STK32A: variants seen among roughly 807,000 people sequenced by gnomAD.
STK32A encodes serine/threonine kinase 32A, also known as serine/threonine-protein kinase 32A.
In STK32A, 41 loss-of-function variants were observed where a neutral mutation model predicts 53.2. That is an observed-to-expected ratio of 0.77 (90% CI 0.60 to 1.00). The LOEUF (loss-of-function observed/expected upper bound fraction) is 1.00. STK32A is among the 50% of genes least tolerant of loss of function. STK32A has a pLI of 0.00. For missense variants in STK32A, 458 were observed against 485.8 expected, an observed-to-expected ratio of 0.94 and a Z score of 0.54; for synonymous variants, 166 against 162.8, an observed-to-expected ratio of 1.02 and a Z score of -0.15.
chr5:147,361,506 G>A lies in STK32A; in HGVS notation c.563-11G>A, dbSNP rs569675847. 8.3e-5 allele frequency: 132 copies of A among 1,596,922 alleles called. No individual in the cohort carries two copies. Among genetic ancestry groups the A allele is most frequent in the Non-Finnish European group, 1.0e-4 (118 of 1,167,218 alleles). Reference sequence around the variant, plus strand: ...GGGAATCAAACTGGTTTAATTTTTCGTGTTTTTCAGCACCTGAGATGTTCA... The same window carrying A: ...GGGAATCAAACTGGTTTAATTTTTCATGTTTTTCAGCACCTGAGATGTTCA... On this transcript the variant is annotated splice_polypyrimidine_tract_variant and intron_variant, in intron 7 of 12. Coordinates refer to ENST00000397936, the MANE Select transcript of STK32A (RefSeq NM_001112724.2).
downstream of STK32A, chr5:147,391,857 G>A (rs1358344124): frequency 3.3e-5 from 5 of 152,182 alleles, no homozygotes; most frequent in African/African-American, 9.7e-5. Context: ...AAAGGTTCTG[G>A]TGGAATGGTT....
intron 8 of STK32A, among the ~76,000 whole-genome samples, chr5:147,367,565 G>C (rs1356582598): frequency 6.6e-6 from 1 of 152,078 alleles, no homozygotes; most frequent in Non-Finnish European, 1.5e-5. Flanking sequence ...AAGGAAAAAG[G>C]GGGGTTGTTC....
chr5:147,273,860 C>T (rs1488711818), intron 2 of STK32A, among the ~76,000 whole-genome samples: 1 of 152,102 alleles, frequency 6.6e-6, no homozygotes, highest in African/African-American at 2.4e-5. Context: ...ATAACCATAA[C>T]AAATTATTTC....
intron 7 of STK32A, among the ~76,000 whole-genome samples, chr5:147,357,984 C>G (rs1194367217): frequency 1.3e-5 from 2 of 151,786 alleles, no homozygotes; most frequent in Non-Finnish European, 2.9e-5. Context: ...TATTCTTTTC[C>G]AAAAATATTA....
chr5:147,315,049 C>T (rs1044107373), intron 4 of STK32A, among the ~76,000 whole-genome samples: 2 of 152,040 alleles, frequency 1.3e-5, no homozygotes. Flanking sequence ...TGGGCCAGTA[C>T]TATTCTTTAA....
intron 2 of STK32A, among the ~76,000 whole-genome samples, chr5:147,273,771 A>G (rs193112878): frequency 6.6e-6 from 1 of 152,340 alleles, no homozygotes; most frequent in African/African-American, 2.4e-5. Flanking sequence ...TTTTATGTGT[A>G]GTTTTGACTA....
In STK32A at chr5:147,366,270, C is replaced by T. The variant is rs537992992; in HGVS notation, c.661-4384C>T. 2.0e-5 allele frequency among the ~76,000 whole-genome samples: 3 copies of T among 152,258 alleles called. No homozygotes were observed. The South Asian group carries it at 6.2e-4, about 32-fold the overall frequency. On this transcript the variant is annotated intron_variant, in intron 8 of 12. Transcript: ENST00000397936. ...TGGGTTTTTTAACCTCTTGTTCCTTCGCCTATAAAGAGAGTTTCCAAGGCA... is the reference window on the plus strand; with the variant it reads ...TGGGTTTTTTAACCTCTTGTTCCTTTGCCTATAAAGAGAGTTTCCAAGGCA...
At chr5:147,257,250 G>A (rs577009063) in intron 2 of STK32A, among the ~76,000 whole-genome samples, 2 of 151,748 alleles carry the variant, frequency 1.3e-5, no homozygotes, top group East Asian at 3.9e-4. Context: ...TACGTCGGGG[G>A]CGGGGCGGGG....
chr5:147,249,869 A>G (rs1400130570), intron 2 of STK32A, among the ~76,000 whole-genome samples: 4 of 132,410 alleles, frequency 3.0e-5, no homozygotes, highest in African/African-American at 1.2e-4. Context: ...GCCGAGATCT[A>G]CTGCACTCCA....
rs903274045 is a variant in STK32A, at chr5:147,384,551, G to A, written c.*568G>A. 11 of 840,008 alleles carry A rather than the reference G, an allele frequency of 1.3e-5. No homozygotes were observed. Among genetic ancestry groups the A allele is most frequent in the South Asian group, 3.6e-5 (2 of 56,198 alleles). The allele number at this position is 840,008 out of a possible 1,614,324, so 52.0% of individuals were successfully genotyped here. On this transcript the variant is annotated 3_prime_UTR_variant, in exon 13 of 13. Transcript: ENST00000397936. ...GGATGAGGGCCTTCCAGTGATATGCGTGAATCAGCATTAGATCCGCTTATC... is the reference window on the plus strand; with the variant it reads ...GGATGAGGGCCTTCCAGTGATATGCATGAATCAGCATTAGATCCGCTTATC...
Position 147,385,592 on chromosome 5 carries a change from T to C in STK32A, c.*1609T>C, listed in dbSNP as rs1251046628. 6.6e-6 allele frequency: 1 copy of C among 152,252 alleles called. No individual in the cohort carries two copies. Among genetic ancestry groups the C allele is most frequent in the African/African-American group, 2.4e-5 (1 of 41,466 alleles). The allele number at this position is 152,252 out of a possible 1,614,324, so 9.4% of individuals were successfully genotyped here. A position where few individuals can be genotyped will look rare whatever the true frequency, so the allele number is the denominator to read the frequency against. On this transcript the variant is annotated 3_prime_UTR_variant, in exon 13 of 13. Coordinates refer to ENST00000397936, the MANE Select transcript of STK32A (RefSeq NM_001112724.2). ...CCCTACTTATTTAAAATATCACTGA[T>C]GTCTCACTCTTTTTCTTTATATTTT...
At chr5:147,357,339 G>A (rs1756294288) in intron 7 of STK32A, among the ~76,000 whole-genome samples, 1 of 151,960 alleles carries the variant, frequency 6.6e-6, no homozygotes, top group Admixed American at 6.6e-5. Flanking sequence ...AGGTAAAAAT[G>A]ATATGACATT....
chr5:147,338,868 G>A (rs1050807760), intron 5 of STK32A, among the ~76,000 whole-genome samples: 2 of 152,116 alleles, frequency 1.3e-5, no homozygotes, highest in African/African-American at 4.8e-5. Flanking sequence ...TGACGTGGGT[G>A]CTCTTAAAAA....
At chr5:147,291,227 A>T (rs1408949926) in intron 4 of STK32A, among the ~76,000 whole-genome samples, 1 of 152,130 alleles carries the variant, frequency 6.6e-6, no homozygotes, top group African/African-American at 2.4e-5. Flanking sequence ...ATTGTGGATG[A>T]ACTTAAGCAG....
At chr5:147,288,628 G>A (rs896223181) in intron 4 of STK32A, among the ~76,000 whole-genome samples, 2 of 152,108 alleles carry the variant, frequency 1.3e-5, no homozygotes, top group Non-Finnish European at 2.9e-5. Context: ...AGGAGCAAGA[G>A]AGAGGAGGAG....
At chr5:147,255,284 C>A (rs556235826) in intron 2 of STK32A, among the ~76,000 whole-genome samples, 1 of 152,186 alleles carries the variant, frequency 6.6e-6, no homozygotes, top group South Asian at 2.1e-4. Context: ...TATGCCTTGG[C>A]TTAGTAGTTT....
At chr5:147,281,820 G>C (rs1752078246) in intron 4 of STK32A, among the ~76,000 whole-genome samples, 1 of 152,172 alleles carries the variant, frequency 6.6e-6, no homozygotes, top group African/African-American at 2.4e-5. Context: ...ATTATCCAAA[G>C]TTAAGATGAA....
chr5:147,291,598 C>A (rs1476022916), intron 4 of STK32A, among the ~76,000 whole-genome samples: 1 of 151,674 alleles, frequency 6.6e-6, no homozygotes, highest in Admixed American at 6.6e-5. Context: ...AATATCTATT[C>A]CATTGGAAAG....
At position 147,384,684 on chromosome 5, in the gene STK32A, C is replaced by G; in HGVS notation, c.*701C>G. ...AATGGGAGCATTTACACCACGGAAA[C>G]TGGTAAATGCTCGTTTTTTCCCTCC... On this transcript the variant is annotated 3_prime_UTR_variant, in exon 13 of 13. Coordinates refer to ENST00000397936, the MANE Select transcript of STK32A (RefSeq NM_001112724.2). The G allele has an allele frequency of 5.0e-6, 2 of 399,764 alleles. No individual in the cohort carries two copies. The highest frequency in any genetic ancestry group is 8.9e-6 in the Non-Finnish European group (2 of 225,540). 24.8% of individuals were successfully genotyped at this position (399,764 alleles called of 1,614,324 possible). A position where few individuals can be genotyped will look rare whatever the true frequency, so the allele number is the denominator to read the frequency against.
Sources: allele counts gnomAD v4.1 joint callset (sites outside exome capture counted in the v4.1 genomes callset), GRCh38; gene constraint gnomAD v4.1.1; transcripts MANE v1.5; gene names NCBI Gene and HGNC (gene_info 2026-07-23, HGNC 2026-07-21).